Variants in UBE2O observed in about 807,000 individuals in gnomAD.
UBE2O encodes the protein (E3-independent) E2 ubiquitin-conjugating enzyme.
UBE2O carries 15 observed loss-of-function variants against 125.8 expected under a neutral mutation model. That is an observed-to-expected ratio of 0.12 (90% CI 0.08 to 0.18). UBE2O has a LOEUF of 0.18. Ranked by LOEUF, UBE2O falls within the 10% of genes least tolerant of loss-of-function variation. UBE2O has a pLI of 1.00. For missense variants in UBE2O, 1,280 were observed against 1,723.6 expected, an observed-to-expected ratio of 0.74 and a Z score of 4.56; for synonymous variants, 708 against 703.2, an observed-to-expected ratio of 1.01 and a Z score of -0.11.
At position 76,396,818 on chromosome 17, in the gene UBE2O, A is replaced by C; in HGVS notation, c.2119T>G (p.Leu707Val). 6.3e-7 allele frequency: 1 copy of C among 1,583,446 alleles called. No individual in the cohort carries two copies. The highest frequency in any genetic ancestry group is 8.6e-7 in the Non-Finnish European group (1 of 1,162,990). Residue 707 changes from leucine to valine, a missense_variant, in exon 14 of 18, where the codon TTG becomes GTG. Around this residue, in one of 10 missense-constraint regions of UBE2O, gnomAD observed 210 missense variants for 268.9 expected, o/e 0.78. Transcript: ENST00000319380. The surrounding 1 kb of genome is among the most constrained non-coding windows in gnomAD (Gnocchi z 6.7). The stretch of plus-strand genomic sequence containing the variant: ...TCAATCTCAGACTCTATGTTGTACA[A>C]GTGCTGGGGGCAGAAGGGAAGTGCC... ...NSKTIILPQH[L>V]YNIESEIEES...
intron 1 of UBE2O, among the ~76,000 whole-genome samples, chr17:76,406,951 G>C (rs955672529): frequency 6.6e-6 from 1 of 152,136 alleles, no homozygotes; most frequent in African/African-American, 2.4e-5. Context: ...GCCCACCTCA[G>C]CCTCCCAAAG....
intron 1 of UBE2O, among the ~76,000 whole-genome samples, chr17:76,437,869 A>C (rs1015232411): frequency 6.6e-6 from 1 of 152,246 alleles, no homozygotes; most frequent in Non-Finnish European, 1.5e-5. Context: ...AGAAACTGCA[A>C]TTATGAGGTT....
intron 1 of UBE2O, among the ~76,000 whole-genome samples, chr17:76,446,878 A>C (rs1265581291): frequency 6.6e-6 from 1 of 152,242 alleles, no homozygotes; most frequent in Non-Finnish European, 1.5e-5. Flanking sequence ...GGGGCAGTCA[A>C]AGGTTCTCTA....
chr17:76,395,681 G>A lies in UBE2O; in HGVS notation c.2946+44C>T. ...GTTGGTGGCCTCTTGGGCACTGGGT[G>A]CCCACACAGCACATCTGCACCTGCC... On this transcript the variant is annotated intron_variant, in intron 15 of 17. Transcript: ENST00000319380. This position sits in a 1 kb window ranked among gnomAD's most constrained non-coding sequence, Gnocchi z 5.0. 2 of 1,579,850 alleles carry A rather than the reference G, an allele frequency of 1.3e-6. No individual in the cohort carries two copies. Among genetic ancestry groups the A allele is most frequent in the Non-Finnish European group, 1.7e-6 (2 of 1,164,148 alleles).
chr17:76,423,459 C>T lies in UBE2O; in HGVS notation c.418-17887G>A, dbSNP rs555653357. ...CTGTAATCCCAGCACTTCGGGAGGCCGAGGTGGGAGGATCATGAGGTCAGA... is the reference window on the plus strand; with the variant it reads ...CTGTAATCCCAGCACTTCGGGAGGCTGAGGTGGGAGGATCATGAGGTCAGA... On this transcript the variant is annotated intron_variant, in intron 1 of 17. Transcript: ENST00000319380. Among the ~76,000 whole-genome samples, 9 of 151,698 alleles carry T rather than the reference C, an allele frequency of 5.9e-5. No homozygotes were observed. The South Asian group carries it at 8.3e-4, about 14-fold the overall frequency.
At position 76,400,577 on chromosome 17, in the gene UBE2O, G is replaced by C. The variant is rs199929032; in HGVS notation, c.895-27C>G. The C allele has an allele frequency of 1.2e-4, 181 of 1,533,162 alleles. 3 individuals are homozygous for C. The East Asian group carries it at 1.3e-3, about 11-fold the overall frequency. 95.0% of individuals were successfully genotyped at this position (1,533,162 alleles called of 1,614,324 possible). A position where few individuals can be genotyped will look rare whatever the true frequency, so the allele number is the denominator to read the frequency against. ...TGGGGATGGCAGGTGGGACACGCCAGTCAGGGCAGGCTCTGACAGCACTCT... is the reference window on the plus strand; with the variant it reads ...TGGGGATGGCAGGTGGGACACGCCACTCAGGGCAGGCTCTGACAGCACTCT... On this transcript the variant is annotated intron_variant, in intron 6 of 17. Transcript: ENST00000319380. The surrounding 1 kb of genome is among the most constrained non-coding windows in gnomAD (Gnocchi z 4.3).
In UBE2O at chr17:76,405,646, GAAGGAA is replaced by G; in HGVS notation, c.418-80_418-75del. 1 of 1,338,794 alleles carries G rather than the reference GAAGGAA, an allele frequency of 7.5e-7. No homozygotes were observed. The highest frequency in any genetic ancestry group is 1.0e-6 in the Non-Finnish European group (1 of 957,246). The allele number at this position is 1,338,794 out of a possible 1,614,324, so 82.9% of individuals were successfully genotyped here. ...AGAATACAGTTTTCTTCCAGCTTCTGAAGGAAAGCGTCACATCCACACTGCTAAGTG... is the reference window on the plus strand; with the variant it reads ...AGAATACAGTTTTCTTCCAGCTTCTGAGCGTCACATCCACACTGCTAAGTG... On this transcript the variant is annotated intron_variant, in intron 1 of 17. Coordinates refer to ENST00000319380, the MANE Select transcript of UBE2O (RefSeq NM_022066.4). The surrounding 1 kb of genome is among the most constrained non-coding windows in gnomAD (Gnocchi z 6.1).
intron 1 of UBE2O, among the ~76,000 whole-genome samples, chr17:76,414,214 T>C (rs1445870545): frequency 2.0e-5 from 3 of 152,214 alleles, no homozygotes; most frequent in African/African-American, 7.2e-5. Flanking sequence ...GAAAATTCTG[T>C]CAATCATGAG....
Position 76,396,765 on chromosome 17 carries a change from G to T in UBE2O, c.2172C>A (p.Gly724=). 1 of 1,613,036 alleles carries T rather than the reference G, an allele frequency of 6.2e-7. No homozygotes were observed. ...IEESDYDSVE[G]STSGASSDEW... ...CATCCGAGGATGCCCCGCTGGTGCT[G>T]CCTTCTACCGAATCGTAGTCTGACT... The change falls in exon 14 of 18, where the codon GGC becomes GGA. Residue 724 remains glycine, a synonymous_variant. Coordinates refer to ENST00000319380, the MANE Select transcript of UBE2O (RefSeq NM_022066.4). The surrounding 1 kb of genome is among the most constrained non-coding windows in gnomAD (Gnocchi z 6.7).
chr17:76,441,640 G>C (rs767213487), intron 1 of UBE2O, among the ~76,000 whole-genome samples: 10 of 152,240 alleles, frequency 6.6e-5, no homozygotes, highest in Non-Finnish European at 1.5e-4. Flanking sequence ...ATGTCACTGG[G>C]AGTTTGTTAG....
intron 1 of UBE2O, among the ~76,000 whole-genome samples, chr17:76,450,184 C>A (rs570219398): frequency 6.6e-6 from 1 of 151,900 alleles, no homozygotes; most frequent in South Asian, 2.1e-4. Flanking sequence ...CTTTCCTTTA[C>A]GGCATACTAT....
At chr17:76,451,886 C>A (rs928078627) in intron 1 of UBE2O, among the ~76,000 whole-genome samples, 10 of 152,016 alleles carry the variant, frequency 6.6e-5, no homozygotes, top group African/African-American at 1.9e-4. Flanking sequence ...TGATGACAAG[C>A]CTCTTTGTTT....
rs201816148 is a variant in UBE2O, at chr17:76,451,777, GGGGTGT to G, written c.417+942_417+947del. Among the ~76,000 whole-genome samples the G allele has an allele frequency of 1.8e-3, 197 of 111,782 alleles. 1 individual carries two copies. Among genetic ancestry groups the G allele is most frequent in the Admixed American group, 6.3e-3 (76 of 12,000 alleles). The allele number at this position is 111,782 out of a possible 152,430, so 73.3% of individuals were successfully genotyped here. ...AGAAAGAAGGGGTGTGAGATACAGGGGGGTGTGTGTGTGTGTGTGTGTGTGTCAATT... is the reference window on the plus strand; with the variant it reads ...AGAAAGAAGGGGTGTGAGATACAGGGGTGTGTGTGTGTGTGTGTGTCAATT... On this transcript the variant is annotated intron_variant, in intron 1 of 17. Transcript: ENST00000319380.
intron 1 of UBE2O, among the ~76,000 whole-genome samples, chr17:76,431,649 A>G (rs1598614454): frequency 2.9e-5 from 1 of 34,780 alleles, no homozygotes; most frequent in East Asian, 9.4e-3. Flanking sequence ...TAGGGAAAAG[A>G]AAGACTATTA....
At chr17:76,416,427 T>C (rs548112473) in intron 1 of UBE2O, among the ~76,000 whole-genome samples, 38 of 152,238 alleles carry the variant, frequency 2.5e-4, no homozygotes, top group Middle Eastern at 3.4e-3. Context: ...TAAAAGGGAC[T>C]GCATCCCTCT....
In UBE2O at chr17:76,396,634, G is replaced by A. The variant is rs753611258; in HGVS notation, c.2303C>T (p.Ala768Val). The A allele has an allele frequency of 4.3e-6, 7 of 1,613,174 alleles. No individual in the cohort carries two copies. Among genetic ancestry groups the A allele is most frequent in the Non-Finnish European group, 5.9e-6 (7 of 1,179,798 alleles). The change falls in exon 14 of 18, where the codon GCC becomes GTC. Residue 768 changes from alanine (A) to valine (V), a missense_variant. Ala to Val is a moderately conservative substitution (Grantham distance 64). Around this residue, in one of 10 missense-constraint regions of UBE2O, gnomAD observed 210 missense variants for 268.9 expected, o/e 0.78. Transcript: ENST00000319380. The surrounding 1 kb of genome is among the most constrained non-coding windows in gnomAD (Gnocchi z 6.7). ...PPIPPLEQPV[A>V]PEDKGVVISE... ...GATCACCACTCCCTTGTCCTCAGGG[G>A]CCACCGGCTGCTCCAGGGGTGGGAT...
rs1363036960 is a variant in UBE2O, at chr17:76,410,699, G to C, written c.418-5127C>G. ...ATTTGAGCTCCCCGAAGCTATGCTG[G>C]GGGCCACTCAGAGCAGGCATTCAGG... On this transcript the variant is annotated intron_variant, in intron 1 of 17. Coordinates refer to ENST00000319380, the MANE Select transcript of UBE2O (RefSeq NM_022066.4). The surrounding 1 kb of genome is among the most constrained non-coding windows in gnomAD (Gnocchi z 4.0). Among the ~76,000 whole-genome samples the C allele has an allele frequency of 6.6e-6, 1 of 152,136 alleles. No homozygotes were observed. Among genetic ancestry groups the C allele is most frequent in the Non-Finnish European group, 1.5e-5 (1 of 68,026 alleles).
chr17:76,394,724 G>T (rs1251454172), intron 15 of UBE2O, among the ~76,000 whole-genome samples: 1 of 152,158 alleles, frequency 6.6e-6, no homozygotes, highest in African/African-American at 2.4e-5. Context: ...CTCTGGGTGT[G>T]GGAAGAGGCC....
chr17:76,436,054 C>T (rs1311981919), intron 1 of UBE2O, among the ~76,000 whole-genome samples: 1 of 152,214 alleles, frequency 6.6e-6, no homozygotes, highest in Non-Finnish European at 1.5e-5. Flanking sequence ...TGAGACTAGC[C>T]TGGGCAACAT....
Sources: gnomAD v4.1 joint callset for allele counts (sites outside exome capture counted in the v4.1 genomes callset) on GRCh38, gnomAD v4.1.1 for gene constraint, gnomAD v4.1.1 regional missense constraint, Gnocchi (gnomAD v3.1) non-coding constraint, MANE v1.5 for transcripts, NCBI Gene and HGNC (gene_info 2026-07-23, HGNC 2026-07-21) for gene names.